Variants in MUC4 observed in about 807,000 individuals in gnomAD.
The protein encoded by MUC4 is mucin-4.
Under a neutral mutation model 257.9 loss-of-function variants are expected in MUC4, and 202 were observed. That is an observed-to-expected ratio of 0.78 (90% CI 0.70 to 0.88). MUC4 has a LOEUF of 0.88. Ranked by LOEUF, MUC4 falls within the 40% of genes least tolerant of loss-of-function variation. The pLI, the probability that MUC4 is intolerant of heterozygous loss-of-function variation, is 0.00. For missense variants in MUC4, 5,976 were observed against 6,513.7 expected (o/e 0.92, Z 2.84); for synonymous variants, 2,351 against 2,757.1 (o/e 0.85, Z 4.62).
intron 8 of MUC4, 146 bp downstream of exon 8, chr3:195,766,517 C>A (rs1375639155): frequency 1.4e-6 from 1 of 700,646 alleles, no homozygotes; most frequent in South Asian, 1.8e-5. Flanking sequence ...CCCACCTAGA[C>A]CTGTAGGAGG....
Position 195,788,920 on chromosome 3 carries a change from C to G in MUC4, c.2660G>C (p.Gly887Ala). Residue 887 changes from glycine (G) to alanine (A), a missense_variant, in exon 2 of 25, where the codon GGA (glycine) becomes GCA (alanine). Coordinates refer to ENST00000463781, the MANE Select transcript of MUC4 (RefSeq NM_018406.7). ...ACTGGGAGAAGTTGGGCTTGACTGT[C>G]CTGTCGGTCTCCCTGCAGTGGAGGC... Reference protein sequence around the residue: ...SEASTAGRPTGQSSPTSPSAS... With the variant: ...SEASTAGRPTAQSSPTSPSAS... The G allele has an allele frequency of 2.5e-6, 4 of 1,613,536 alleles. No individual in the cohort carries two copies. Among genetic ancestry groups the G allele is most frequent in the Non-Finnish European group, 3.4e-6 (4 of 1,179,742 alleles).
chr3:195,773,631 G>A (rs2148876008), intron 4 of MUC4, among the ~76,000 whole-genome samples: 1 of 126,714 alleles, frequency 7.9e-6, no homozygotes, highest in East Asian at 2.6e-4. Context: ...CTCAGCAGGT[G>A]TGGACACCCT....
At chr3:195,754,708 A>G (rs1433817373) in intron 18 of MUC4, among the ~76,000 whole-genome samples, 2 of 151,024 alleles carry the variant, frequency 1.3e-5, no homozygotes, top group Non-Finnish European at 3.0e-5. Flanking sequence ...TGAATGATTG[A>G]AGCATGAATG....
rs1736534740 is a variant in MUC4, at chr3:195,810,287, A to T, written c.82+1449T>A. On this transcript the variant is annotated intron_variant, in intron 1 of 24. Transcript: ENST00000463781. The surrounding 1 kb of genome is among the most constrained non-coding windows in gnomAD (Gnocchi z 4.2). ...CTCACTCCCAGGAAGCTCCTCAAATATGCGCCCAAGAAATATTTTCCCTCG... is the reference window on the plus strand; with the variant it reads ...CTCACTCCCAGGAAGCTCCTCAAATTTGCGCCCAAGAAATATTTTCCCTCG... 1 of 152,184 alleles carries T rather than the reference A, an allele frequency of 6.6e-6. No homozygotes were observed. The highest frequency in any genetic ancestry group is 2.1e-4 in the South Asian group (1 of 4,824). The allele number at this position is 152,184 out of a possible 1,614,324, so 9.4% of individuals were successfully genotyped here. A position where few individuals can be genotyped will look rare whatever the true frequency, so the allele number is the denominator to read the frequency against.
chr3:195,754,870 A>G (rs2641721), intron 18 of MUC4, among the ~76,000 whole-genome samples: 10,880 of 38,122 alleles, frequency 0.29, 462 homozygotes, highest in Middle Eastern at 0.47. Context: ...GATATGTATC[A>G]ATGTATGTAT....
At chr3:195,802,033 G>T (rs557402654) in intron 1 of MUC4, among the ~76,000 whole-genome samples, 1 of 151,936 alleles carries the variant, frequency 6.6e-6, no homozygotes, top group Admixed American at 6.6e-5. Context: ...CTACTCTCAC[G>T]CCTTACAAAT....
At chr3:195,756,217 G>T (rs917622615) in intron 18 of MUC4, among the ~76,000 whole-genome samples, 1 of 152,132 alleles carries the variant, frequency 6.6e-6, no homozygotes, top group African/African-American at 2.4e-5. Flanking sequence ...GACTGTAAGC[G>T]GCCTCAGAAA....
At position 195,780,623 on chromosome 3, in the gene MUC4, C is replaced by A. The variant is rs200217182; in HGVS notation, c.10957G>T (p.Asp3653Tyr). The A allele has an allele frequency of 1.8e-6, 1 of 550,200 alleles. No individual in the cohort carries two copies. The highest frequency in any genetic ancestry group is 3.5e-5 in the East Asian group (1 of 28,558). The allele number at this position is 550,200 out of a possible 1,614,324, so 34.1% of individuals were successfully genotyped here. ...TGACCTGTGGATACTGAGGAAGCGT[C>A]GGTGACAAGAAGAGGGGTGGTGTCA... ...TGDTTPLLVT[D>Y]ASSVSTGHAT... Residue 3653 changes from aspartate (D) to tyrosine (Y), a missense_variant, in exon 2 of 25, where the codon GAC (aspartate) becomes TAC (tyrosine). Asp to Tyr is a radical substitution (Grantham distance 160). Around this residue, in one of 44 missense-constraint regions of MUC4, gnomAD observed 59 missense variants for 149.8 expected, o/e 0.39. Transcript: ENST00000463781.
rs373824234 is a variant in MUC4 at position 195,774,152 on chromosome 3, G to A, written c.13077+20C>T. The A allele has an allele frequency of 6.3e-6, 10 of 1,589,746 alleles. No individual in the cohort carries two copies. The highest frequency in any genetic ancestry group is 2.4e-5 in the East Asian group (1 of 42,524). ...TGGGCCCTGGGAGTTCAGGCTGCGCGGGCCGCAGCCCGGACTCACGTAGAG... is the reference window on the plus strand; with the variant it reads ...TGGGCCCTGGGAGTTCAGGCTGCGCAGGCCGCAGCCCGGACTCACGTAGAG... On this transcript the variant is annotated intron_variant, in intron 4 of 24. Coordinates refer to ENST00000463781, the MANE Select transcript of MUC4 (RefSeq NM_018406.7).
intron 7 of MUC4, 148 bp from the exon 8 acceptor site, chr3:195,766,899 T>C: frequency 1.5e-6 from 1 of 685,466 alleles, no homozygotes; most frequent in East Asian, 2.7e-5. Context: ...GCCCCCATCG[T>C]CAAGCCCCAG....
In MUC4 at chr3:195,811,750, G is replaced by A. The variant is rs370420358; in HGVS notation, c.68C>T (p.Pro23Leu). The change falls in exon 1 of 25, where the codon CCG becomes CTG. Residue 23 changes from proline (P) to leucine (L), a missense_variant. Physicochemically the swap from Pro to Leu is moderately conservative, Grantham distance 98. Coordinates refer to ENST00000463781, the MANE Select transcript of MUC4 (RefSeq NM_018406.7). Reference sequence around the variant, plus strand: ...CCATCACTTACCTGGGACCACATGCGGAAGGAGGCAGAGACACAGGCAGCT... The same window carrying A: ...CCATCACTTACCTGGGACCACATGCAGAAGGAGGCAGAGACACAGGCAGCT... ...SLSCLCLCLL[P>L]HVVPGTTEDT... 44 of 1,613,834 alleles carry A rather than the reference G, an allele frequency of 2.7e-5. No individual in the cohort carries two copies. The East Asian group carries it at 6.0e-4, about 22-fold the overall frequency.
intron 2 of MUC4, 112 bp downstream of exon 2, chr3:195,778,678 G>C: frequency 1.5e-6 from 2 of 1,344,480 alleles, no homozygotes; most frequent in Admixed American, 2.3e-5. Flanking sequence ...TGTGGGACCT[G>C]ACACGGCCCC....
At chr3:195,773,744 G>A (rs113220398) in intron 4 of MUC4, among the ~76,000 whole-genome samples, 4 of 148,406 alleles carry the variant, frequency 2.7e-5, no homozygotes, top group Non-Finnish European at 6.0e-5. Flanking sequence ...TCTCTCTATC[G>A]CTCAGCAGGT....
chr3:195,782,022 A>C lies in MUC4; in HGVS notation c.9558T>G (p.Pro3186=). 6.6e-7 allele frequency: 1 copy of C among 1,509,540 alleles called. No homozygotes were observed. Among genetic ancestry groups the C allele is most frequent in the Non-Finnish European group, 8.9e-7 (1 of 1,128,366 alleles). The allele number at this position is 1,509,540 out of a possible 1,614,324, so 93.5% of individuals were successfully genotyped here. A position where few individuals can be genotyped will look rare whatever the true frequency, so the allele number is the denominator to read the frequency against. The change falls in exon 2 of 25, where the codon CCT becomes CCG. Residue 3186 remains proline (P), a synonymous_variant. Coordinates refer to ENST00000463781, the MANE Select transcript of MUC4 (RefSeq NM_018406.7). ...SVSTGDTTPL[P]VTSPSSASTG... is the part of the protein sequence containing the mutation. ...TGGATGCTGAGGAAGGGCTAGTGAC[A>C]GGAAGAGGCGTGGTGTCACCTGTGG...
intron 1 of MUC4, among the ~76,000 whole-genome samples, chr3:195,793,000 G>A (rs1257323484): frequency 1.3e-5 from 2 of 152,162 alleles, no homozygotes; most frequent in Non-Finnish European, 2.9e-5. Context: ...ACAAGGGGAG[G>A]AAGAGCGTCA....
Position 195,785,455 on chromosome 3 carries a change from G to T in MUC4, c.6125C>A (p.Ser2042Tyr), listed in dbSNP as rs1215931490. 6.6e-7 allele frequency: 1 copy of T among 1,516,188 alleles called. No individual in the cohort carries two copies. Among genetic ancestry groups the T allele is most frequent in the Admixed American group, 2.0e-5 (1 of 49,566 alleles). 93.9% of individuals were successfully genotyped at this position (1,516,188 alleles called of 1,614,324 possible). Residue 2042 changes from serine (S) to tyrosine (Y), a missense_variant, in exon 2 of 25, where the codon TCC becomes TAC. By Grantham distance (144) the Ser-to-Tyr change is moderately radical. Around this residue, in one of 44 missense-constraint regions of MUC4, gnomAD observed 85 missense variants for 325.0 expected, o/e 0.26. Coordinates refer to ENST00000463781, the MANE Select transcript of MUC4 (RefSeq NM_018406.7). ...AGGAAGAGGGGTGTCCTGACCTGTG[G>T]ATGCTGAGGAAGTATCGGTGACAGG... Reference protein sequence around the residue: ...PLPVTDTSSASTGQDTPLPVT... With the variant: ...PLPVTDTSSAYTGQDTPLPVT...
rs1204709351 is a variant in MUC4, at chr3:195,781,910, A to G, written c.9670T>C (p.Ser3224Pro). The stretch of plus-strand genomic sequence containing the variant: ...GGCGTGGTGTCACCTGTGGATACTG[A>G]GGAAAGGCTGGTGACAGGAAGAGGG... ...ATPLPVTSLS[S>P]VSTGDTTPLP... Residue 3224 changes from serine (S) to proline (P), a missense_variant, in exon 2 of 25, where the codon TCA becomes CCA. Physicochemically the swap from Ser to Pro is moderately conservative, Grantham distance 74. Transcript: ENST00000463781. 1 of 907,978 alleles carries G rather than the reference A, an allele frequency of 1.1e-6. No homozygotes were observed. Among genetic ancestry groups the G allele is most frequent in the African/African-American group, 2.4e-5 (1 of 41,470 alleles). 56.2% of individuals were successfully genotyped at this position (907,978 alleles called of 1,614,324 possible).
rs575780959 is a variant in MUC4 at position 195,748,304 on chromosome 3, C to T, written c.16034+598G>A. Among the ~76,000 whole-genome samples the T allele has an allele frequency of 5.2e-5, 8 of 152,390 alleles. No homozygotes were observed. In the East Asian group the frequency reaches 1.5e-3, roughly 29 times the overall value. On this transcript the variant is annotated intron_variant, in intron 24 of 24. Transcript: ENST00000463781. ...TGGGCCCTGGCGCGGTGGCTCACGC[C>T]TGTAATCTCAGCACTTTGGGAGGCC...
intron 1 of MUC4, among the ~76,000 whole-genome samples, chr3:195,802,477 G>A (rs781611323): frequency 2.8e-5 from 4 of 140,986 alleles, no homozygotes; most frequent in South Asian, 4.3e-4. Flanking sequence ...TCCTTAGCTC[G>A]AATTGCTTTG....
Sources: gnomAD v4.1 joint callset for allele counts (sites outside exome capture counted in the v4.1 genomes callset) on GRCh38, gnomAD v4.1.1 for gene constraint, gnomAD v4.1.1 regional missense constraint, Gnocchi (gnomAD v3.1) non-coding constraint, MANE v1.5 for transcripts, NCBI Gene and HGNC (gene_info 2026-07-23, HGNC 2026-07-21) for gene names.